The following TBC1D5 variants were observed in gnomAD, a reference collection of about 807,000 sequenced individuals.
TBC1D5 encodes TBC1 domain family, member 5.
In TBC1D5, 75 loss-of-function variants were observed where a neutral mutation model predicts 100.3. The observed-to-expected ratio is 0.75, with a 90% confidence interval of 0.62 to 0.91. The LOEUF is 0.91. TBC1D5 is among the 40% of genes least tolerant of loss of function. The pLI is 0.00. For missense variants in TBC1D5, 910 were observed against 942.4 expected (o/e 0.97, Z 0.45); for synonymous variants, 323 against 325.6 (o/e 0.99, Z 0.09).
intron 1 of TBC1D5, among the ~76,000 whole-genome samples, chr3:17,648,671 CACAA>C (rs141625235): frequency 0.051 from 7,782 of 151,230 alleles, 636 homozygotes; most frequent in African/African-American, 0.18. Flanking sequence ...CGCCAAAAAA[CACAA>C]ACAGACACTT....
At chr3:17,166,240 G>A (rs1171104004) in intron 21 of TBC1D5, among the ~76,000 whole-genome samples, 1 of 152,118 alleles carries the variant, frequency 6.6e-6, no homozygotes, top group Non-Finnish European at 1.5e-5. Context: ...TATGTTGCCT[G>A]CAAATCCTGA....
chr3:17,369,180 C>T (rs564795184), intron 13 of TBC1D5, among the ~76,000 whole-genome samples: 19 of 151,850 alleles, frequency 1.3e-4, no homozygotes, highest in Admixed American at 3.9e-4. Context: ...GTCTAAAACA[C>T]GGCTATTATA....
At chr3:17,274,205 G>A (rs2079737131) in intron 15 of TBC1D5, among the ~76,000 whole-genome samples, 1 of 151,902 alleles carries the variant, frequency 6.6e-6, no homozygotes, top group Non-Finnish European at 1.5e-5. Flanking sequence ...AATCCTTTAG[G>A]GCATCAACTG....
intron 2 of TBC1D5, among the ~76,000 whole-genome samples, chr3:17,620,070 G>A (rs2062524215): frequency 6.6e-6 from 1 of 152,206 alleles, no homozygotes; most frequent in Admixed American, 6.5e-5. Flanking sequence ...AAGGCAAAAT[G>A]TTACAGCCCC....
At chr3:17,286,457 GTCC>G (rs1162691432) in intron 15 of TBC1D5, among the ~76,000 whole-genome samples, 1 of 152,034 alleles carries the variant, frequency 6.6e-6, no homozygotes, top group African/African-American at 2.4e-5. Context: ...TTTTCAGATT[GTCC>G]TCCTTCTATC....
At chr3:17,407,423 C>CA (rs1415821198) in intron 4 of TBC1D5, among the ~76,000 whole-genome samples, 1 of 152,084 alleles carries the variant, frequency 6.6e-6, no homozygotes, top group Non-Finnish European at 1.5e-5. Flanking sequence ...CATCATATCA[C>CA]AATAAAATTT....
At position 17,185,221 on chromosome 3, in the gene TBC1D5, G is replaced by A; in HGVS notation, c.1753-13C>T. On this transcript the variant is annotated splice_polypyrimidine_tract_variant and intron_variant, in intron 18 of 21. Coordinates refer to ENST00000253692, the Ensembl canonical transcript of TBC1D5. ...CTAATTCTTCTTCCTAAAATAAAGG[G>A]ATAAACATATGGAAATTTTTTAGAG... 1 of 1,605,436 alleles carries A rather than the reference G, an allele frequency of 6.2e-7. No homozygotes were observed.
At chr3:17,418,027 G>A (rs188024083) in intron 4 of TBC1D5, among the ~76,000 whole-genome samples, 1 of 152,200 alleles carries the variant, frequency 6.6e-6, no homozygotes, top group African/African-American at 2.4e-5. Context: ...AACGCCTTGA[G>A]ATTATGTCAA....
intron 1 of TBC1D5, among the ~76,000 whole-genome samples, chr3:17,667,996 AC>A (rs1374259091): frequency 2.6e-5 from 4 of 151,768 alleles, no homozygotes; most frequent in African/African-American, 9.7e-5. Context: ...GTCCCCATTT[AC>A]TAAAACCTTG....
At chr3:17,697,236 G>A (rs1022489994) in intron 1 of TBC1D5, among the ~76,000 whole-genome samples, 1 of 152,072 alleles carries the variant, frequency 6.6e-6, no homozygotes, top group Non-Finnish European at 1.5e-5. Flanking sequence ...TTCAACATAG[G>A]GTTGGAAGTT....
chr3:17,481,961 G>T (rs547433552), intron 3 of TBC1D5, among the ~76,000 whole-genome samples: 2 of 152,118 alleles, frequency 1.3e-5, no homozygotes, highest in Non-Finnish European at 2.9e-5. Context: ...GGGTGGTCTC[G>T]AACTCCTGAC....
At chr3:17,561,034 A>G (rs1209580846) in intron 2 of TBC1D5, among the ~76,000 whole-genome samples, 1 of 152,230 alleles carries the variant, frequency 6.6e-6, no homozygotes, top group East Asian at 1.9e-4. Context: ...ATAAATTATT[A>G]TTCTGAAAGT....
intron 2 of TBC1D5, among the ~76,000 whole-genome samples, chr3:17,595,211 GTTAACAC>G (rs1383834089): frequency 6.6e-6 from 1 of 152,034 alleles, no homozygotes; most frequent in Non-Finnish European, 1.5e-5. Flanking sequence ...GATCATTTCA[GTTAACAC>G]TTAAAAACCT....
chr3:17,613,140 G>A (rs969253331), intron 2 of TBC1D5, among the ~76,000 whole-genome samples: 1 of 152,030 alleles, frequency 6.6e-6, no homozygotes, highest in Non-Finnish European at 1.5e-5. Context: ...GCAGTGTTTG[G>A]TTTTCTGTCC....
intron 2 of TBC1D5, among the ~76,000 whole-genome samples, chr3:17,575,899 A>C (rs565529409): frequency 6.6e-6 from 1 of 152,284 alleles, no homozygotes; most frequent in Admixed American, 6.5e-5. Context: ...ATTGATATAC[A>C]TTTAGAAATT....
intron 2 of TBC1D5, among the ~76,000 whole-genome samples, chr3:17,564,403 T>C (rs575472306): frequency 6.6e-6 from 1 of 152,274 alleles, no homozygotes; most frequent in East Asian, 1.9e-4. Flanking sequence ...GCTGAAAACA[T>C]TGGAGGCAAA....
chr3:17,398,903 A>T (rs558095581), intron 8 of TBC1D5, among the ~76,000 whole-genome samples: 1 of 152,150 alleles, frequency 6.6e-6, no homozygotes, highest in African/African-American at 2.4e-5. Context: ...ATTAAATAAT[A>T]TTAAAAAGTT....
intron 14 of TBC1D5, among the ~76,000 whole-genome samples, chr3:17,307,734 T>C (rs79772271): frequency 0.019 from 2,846 of 152,146 alleles, 85 homozygotes; most frequent in African/African-American, 0.065. Flanking sequence ...AAAGCAGGAG[T>C]AAAGTCTTTA....
chr3:17,305,260 GC>G (rs1241222751), intron 14 of TBC1D5, among the ~76,000 whole-genome samples: 1 of 152,038 alleles, frequency 6.6e-6, no homozygotes, highest in African/African-American at 2.4e-5. Flanking sequence ...CTCTTCCTTG[GC>G]TTCTTCTCCT....
Sources: allele counts gnomAD v4.1 joint callset (sites outside exome capture counted in the v4.1 genomes callset), GRCh38; gene constraint gnomAD v4.1.1; transcripts MANE v1.5; gene names NCBI Gene and HGNC (gene_info 2026-07-23, HGNC 2026-07-21).